ARHGAP8: variants seen among roughly 807,000 people sequenced by gnomAD.
ARHGAP8 encodes the protein Rho GTPase activating protein 8.
A neutral mutation model predicts 46.1 loss-of-function variants in ARHGAP8; 62 were observed. That is an observed-to-expected ratio of 1.34 (90% CI 1.10 to 1.66). The LOEUF is 1.66. ARHGAP8 is among the 40% of genes most tolerant of loss of function. ARHGAP8 has a pLI of 0.00. For missense variants in ARHGAP8, 923 were observed against 568.4 expected (o/e 1.62, Z -6.34); for synonymous variants, 375 against 243.1 (o/e 1.54, Z -5.05).
intron 1 of ARHGAP8, among the ~76,000 whole-genome samples, chr22:44,766,677 C>G (rs1157558927): frequency 6.6e-6 from 1 of 152,180 alleles, no homozygotes; most frequent in Non-Finnish European, 1.5e-5. Context: ...GGGGCTCTCT[C>G]TGGGGGTCTT....
intron 2 of ARHGAP8, among the ~76,000 whole-genome samples, chr22:44,798,318 C>T (rs1928243313): frequency 6.6e-6 from 1 of 151,836 alleles, no homozygotes; most frequent in South Asian, 2.1e-4. Flanking sequence ...ATTATGTTGC[C>T]CAGGCTGGTC....
intron 2 of ARHGAP8, among the ~76,000 whole-genome samples, chr22:44,789,096 A>C (rs148687243): frequency 2.0e-3 from 312 of 152,262 alleles, no homozygotes; most frequent in African/African-American, 7.2e-3. Flanking sequence ...TTCTTCCTTT[A>C]GTTCAGTCCG....
chr22:44,762,699 C>T (rs1925232522), intron 1 of ARHGAP8, among the ~76,000 whole-genome samples: 1 of 151,900 alleles, frequency 6.6e-6, no homozygotes, highest in South Asian at 2.1e-4. Context: ...GCCCACCACC[C>T]CTCCTGGCTA....
intron 8 of ARHGAP8, 102 bp from the exon 9 acceptor site, chr22:44,847,871 A>G: frequency 1.4e-6 from 2 of 1,459,872 alleles, no homozygotes; most frequent in South Asian, 2.4e-5. Flanking sequence ...TGTGGAGGCC[A>G]GCCACAGGTG....
intron 1 of ARHGAP8, among the ~76,000 whole-genome samples, chr22:44,757,954 C>A (rs1924818370): frequency 1.3e-5 from 2 of 152,136 alleles, no homozygotes; most frequent in African/African-American, 4.8e-5. Flanking sequence ...CGCCCCCAGG[C>A]TGTGCTGCTT....
At chr22:44,766,652 C>T (rs918225525) in intron 1 of ARHGAP8, among the ~76,000 whole-genome samples, 3 of 152,280 alleles carry the variant, frequency 2.0e-5, no homozygotes, top group African/African-American at 7.2e-5. Flanking sequence ...GCCTGTCTTC[C>T]TGGGGACCCT....
chr22:44,860,202 G>C (rs2070403123), intron 11 of ARHGAP8, among the ~76,000 whole-genome samples: 1 of 146,450 alleles, frequency 6.8e-6, no homozygotes, highest in Non-Finnish European at 1.5e-5. Context: ...GGACTGAGCT[G>C]ACCATTCCTG....
At chr22:44,816,649 TA>T (rs1929762201) in intron 5 of ARHGAP8, among the ~76,000 whole-genome samples, 3 of 151,716 alleles carry the variant, frequency 2.0e-5, no homozygotes, top group Admixed American at 6.6e-5. Context: ...CTATAAAAAA[TA>T]TAAAAATTAG....
At chr22:44,851,049 A>G (rs1466692428) in intron 10 of ARHGAP8, 1 of 151,768 alleles carries the variant, frequency 6.6e-6, no homozygotes, top group East Asian at 1.9e-4. Flanking sequence ...GAGCTATGTC[A>G]AGGACCTGAG....
At position 44,763,967 on chromosome 22, in the gene ARHGAP8, C is replaced by A. The variant is rs147770333; in HGVS notation, c.-72+11340C>A. On this transcript the variant is annotated intron_variant, in intron 1 of 11. Coordinates refer to ENST00000356099, the MANE Select transcript of ARHGAP8 (RefSeq NM_181335.3). The stretch of plus-strand genomic sequence containing the variant: ...CTGGGAGTACAGGTGCCCGCCACCA[C>A]GCCTGGCTAATTTTTTTTGTATTTT... 2.0e-5 allele frequency among the ~76,000 whole-genome samples: 3 copies of A among 152,060 alleles called. No homozygotes were observed. The East Asian group carries it at 5.8e-4, about 29-fold the overall frequency.
chr22:44,783,321 C>A (rs1309119413), intron 1 of ARHGAP8, among the ~76,000 whole-genome samples: 2 of 152,098 alleles, frequency 1.3e-5, no homozygotes, highest in East Asian at 3.9e-4. Context: ...AGCGGTCCAT[C>A]CCCGAGCTGT....
intron 10 of ARHGAP8, among the ~76,000 whole-genome samples, chr22:44,851,744 G>A (rs907268495): frequency 1.3e-5 from 2 of 152,096 alleles, no homozygotes; most frequent in African/African-American, 4.8e-5. Flanking sequence ...GGAGGCTGAG[G>A]TGGGAGATCA....
chr22:44,820,823 C>T (rs1484185861), intron 5 of ARHGAP8, among the ~76,000 whole-genome samples: 2 of 152,182 alleles, frequency 1.3e-5, no homozygotes. Context: ...ACAGCTCGGC[C>T]TCCCTCGGGG....
At chr22:44,820,389 G>A (rs922898588) in intron 5 of ARHGAP8, among the ~76,000 whole-genome samples, 3 of 152,204 alleles carry the variant, frequency 2.0e-5, no homozygotes, top group Admixed American at 2.0e-4. Flanking sequence ...AATGGTTCCT[G>A]CAGAGGGGCA....
chr22:44,781,212 A>T (rs1325184324), intron 1 of ARHGAP8, among the ~76,000 whole-genome samples: 4 of 151,718 alleles, frequency 2.6e-5, no homozygotes, highest in Non-Finnish European at 5.9e-5. Flanking sequence ...TCACATCCAG[A>T]TGCAGGAAGT....
At chr22:44,788,095 A>G (rs568012951) in intron 2 of ARHGAP8, among the ~76,000 whole-genome samples, 5 of 148,454 alleles carry the variant, frequency 3.4e-5, no homozygotes, top group Non-Finnish European at 7.4e-5. Flanking sequence ...TTTTTATTAT[A>G]TGTTATTATT....
intron 2 of ARHGAP8, among the ~76,000 whole-genome samples, chr22:44,792,735 T>C (rs1260355874): frequency 6.6e-6 from 1 of 152,088 alleles, no homozygotes; most frequent in Non-Finnish European, 1.5e-5. Flanking sequence ...CTCTCCCTAC[T>C]TGAGTGACCA....
chr22:44,808,905 C>T (rs187445065), intron 4 of ARHGAP8: 7 of 364,022 alleles, frequency 1.9e-5, no homozygotes, highest in Admixed American at 3.5e-5. Flanking sequence ...GCAGCCTCGG[C>T]CTCCTGGGCT....
intron 1 of ARHGAP8, among the ~76,000 whole-genome samples, chr22:44,763,913 C>A (rs1925348308): frequency 6.6e-6 from 1 of 151,332 alleles, no homozygotes; most frequent in Admixed American, 6.6e-5. Context: ...TGGGTTCACG[C>A]CATTCTGCTG....
Sources: allele counts gnomAD v4.1 joint callset (sites outside exome capture counted in the v4.1 genomes callset), GRCh38; gene constraint gnomAD v4.1.1; transcripts MANE v1.5; gene names NCBI Gene and HGNC (gene_info 2026-07-23, HGNC 2026-07-21).